The following EMSY variants were observed in gnomAD, a reference collection of about 807,000 sequenced individuals.
The protein encoded by EMSY is BRCA2-interacting transcriptional repressor EMSY.
A neutral mutation model predicts 134.6 loss-of-function variants in EMSY; 26 were observed. The observed-to-expected ratio is 0.19, with a 90% CI of 0.14 to 0.27. EMSY has a LOEUF of 0.27. EMSY is among the 10% of genes least tolerant of loss of function. EMSY has a pLI of 1.00. For missense variants in EMSY, 1,305 were observed against 1,611.4 expected, an observed-to-expected ratio of 0.81 and a Z score of 3.26; for synonymous variants, 579 against 577.8, an observed-to-expected ratio of 1.00 and a Z score of -0.03.
At chr11:76,489,227 A>C (rs1949314697) in intron 8 of EMSY, among the ~76,000 whole-genome samples, 1 of 152,176 alleles carries the variant, frequency 6.6e-6, no homozygotes, top group Admixed American at 6.5e-5. Context: ...TTATTTAATA[A>C]ATGGTTTTAG....
At chr11:76,530,775 A>G (rs1421467449) in intron 14 of EMSY, among the ~76,000 whole-genome samples, 1 of 152,214 alleles carries the variant, frequency 6.6e-6, no homozygotes, top group Non-Finnish European at 1.5e-5. Flanking sequence ...TGATTTAAAG[A>G]GAAAGGGATT....
chr11:76,462,540 G>A (rs1948167723), intron 6 of EMSY, among the ~76,000 whole-genome samples: 1 of 152,206 alleles, frequency 6.6e-6, no homozygotes, highest in African/African-American at 2.4e-5. Context: ...TAGGGGAGAG[G>A]TGGATTAGCT....
intron 6 of EMSY, among the ~76,000 whole-genome samples, chr11:76,462,008 G>A (rs1391807162): frequency 6.6e-6 from 1 of 151,806 alleles, no homozygotes; most frequent in Non-Finnish European, 1.5e-5. Context: ...AGGCCGAGGC[G>A]AGCAGATCAC....
intron 8 of EMSY, among the ~76,000 whole-genome samples, chr11:76,480,813 G>T (rs1226108663): frequency 6.6e-6 from 1 of 152,188 alleles, no homozygotes; most frequent in Non-Finnish European, 1.5e-5. Flanking sequence ...AAGCACAAGG[G>T]GTTGGGAAAC....
At chr11:76,462,443 A>T (rs776767542) in intron 6 of EMSY, among the ~76,000 whole-genome samples, 10 of 152,250 alleles carry the variant, frequency 6.6e-5, no homozygotes, top group Non-Finnish European at 1.3e-4. Context: ...AAACAAACCA[A>T]TAAGACTTAG....
exon 20 of EMSY, chr11:76,546,289 A>G (rs765754169): frequency 6.2e-7 from 1 of 1,607,900 alleles, no homozygotes; most frequent in South Asian, 1.1e-5. Flanking sequence ...AGCAGAAATT[A>G]TCATCCAGGT....
chr11:76,526,449 G>T lies in EMSY; in HGVS notation c.1822-13G>T. The T allele has an allele frequency of 6.3e-7, 1 of 1,581,480 alleles. No homozygotes were observed. Among genetic ancestry groups the T allele is most frequent in the Non-Finnish European group, 8.6e-7 (1 of 1,165,686 alleles). On this transcript the variant is annotated splice_polypyrimidine_tract_variant and intron_variant, in intron 12 of 20. Transcript: ENST00000334736. Reference sequence around the variant, plus strand: ...CATATAAATCTCTTATATAATCATTGACTTCAATTTAGGGAGAAAAGACTA... The same window carrying T: ...CATATAAATCTCTTATATAATCATTTACTTCAATTTAGGGAGAAAAGACTA...
At chr11:76,463,548 G>A (rs966036994) in intron 6 of EMSY, among the ~76,000 whole-genome samples, 141 of 151,622 alleles carry the variant, frequency 9.3e-4, no homozygotes, top group Middle Eastern at 3.4e-3. Context: ...GCGTGAACCC[G>A]GGAAGCGGAG....
intron 9 of EMSY, among the ~76,000 whole-genome samples, chr11:76,506,280 A>C (rs1005841789): frequency 6.6e-6 from 1 of 152,222 alleles, no homozygotes; most frequent in Non-Finnish European, 1.5e-5. Flanking sequence ...TTGGTTATCA[A>C]TATATTGTAT....
At chr11:76,491,213 C>T (rs1240639251) in intron 8 of EMSY, among the ~76,000 whole-genome samples, 2 of 142,198 alleles carry the variant, frequency 1.4e-5, no homozygotes, top group African/African-American at 2.6e-5. Flanking sequence ...AGGGGTCTTA[C>T]TCTGGCACCT....
chr11:76,482,249 C>T (rs908850409), intron 8 of EMSY, among the ~76,000 whole-genome samples: 1 of 152,138 alleles, frequency 6.6e-6, no homozygotes, highest in Non-Finnish European at 1.5e-5. Context: ...CTAAAAGTCA[C>T]CAACATCAAA....
chr11:76,498,691 T>C (rs1949741880), intron 9 of EMSY, among the ~76,000 whole-genome samples: 1 of 152,220 alleles, frequency 6.6e-6, no homozygotes, highest in Non-Finnish European at 1.5e-5. Context: ...GTCTGCCATA[T>C]AAATTAATGA....
chr11:76,541,369 A>T (rs1175651289), intron 17 of EMSY, among the ~76,000 whole-genome samples: 1 of 152,198 alleles, frequency 6.6e-6, no homozygotes, highest in Non-Finnish European at 1.5e-5. Flanking sequence ...AGGTGAGCTA[A>T]ATTTGAGATG....
chr11:76,545,869 G>A (rs1302699707), exon 20 of EMSY: 8 of 1,614,052 alleles, frequency 5.0e-6, no homozygotes, highest in Non-Finnish European at 6.8e-6. Flanking sequence ...GCCTCCCACA[G>A]TTACAAAGAT....
exon 19 of EMSY, chr11:76,544,736 A>G (rs754349293): frequency 6.2e-7 from 1 of 1,614,156 alleles, no homozygotes; most frequent in Non-Finnish European, 8.5e-7. Flanking sequence ...GCAGGCTCCG[A>G]ACCAACCAAA....
At chr11:76,480,592 A>C (rs1340424820) in intron 8 of EMSY, among the ~76,000 whole-genome samples, 1 of 152,186 alleles carries the variant, frequency 6.6e-6, no homozygotes, top group Non-Finnish European at 1.5e-5. Flanking sequence ...GTGAAGAGTT[A>C]ATATAAAAAT....
rs193084089 is a variant in EMSY at position 76,488,170 on chromosome 11, G to A, written c.1109-8045G>A. Among the ~76,000 whole-genome samples the A allele has an allele frequency of 2.8e-4, 42 of 152,280 alleles. No individual in the cohort carries two copies. The East Asian group carries it at 7.1e-3, about 26-fold the overall frequency. On this transcript the variant is annotated intron_variant, in intron 8 of 20. Transcript: ENST00000334736. ...CCCATTTTTTTGTGTGTATTTAAATGTTTCATAAATTTAGGCTGAGTGCAT... is the reference window on the plus strand; with the variant it reads ...CCCATTTTTTTGTGTGTATTTAAATATTTCATAAATTTAGGCTGAGTGCAT...
At chr11:76,546,085 C>T (rs764009276) in exon 20 of EMSY, 68 of 1,614,040 alleles carry the variant, frequency 4.2e-5, no homozygotes, top group Non-Finnish European at 5.8e-5. Context: ...AGGATCATTA[C>T]CCTCCACCCA....
intron 13 of EMSY, among the ~76,000 whole-genome samples, chr11:76,527,630 T>C (rs1412201585): frequency 6.6e-6 from 1 of 152,098 alleles, no homozygotes; most frequent in African/African-American, 2.4e-5. Context: ...GTTTTTAACT[T>C]TTGCCAGGAG....
Sources: gnomAD v4.1 joint callset for allele counts (sites outside exome capture counted in the v4.1 genomes callset) on GRCh38, gnomAD v4.1.1 for gene constraint, MANE v1.5 for transcripts, NCBI Gene and HGNC (gene_info 2026-07-23, HGNC 2026-07-21) for gene names.